Variants in NAV2 observed in about 807,000 individuals in gnomAD.
NAV2 encodes helicase, APC down-regulated 1.
Under a neutral mutation model 223.2 loss-of-function variants are expected in NAV2, and 54 were observed. The observed-to-expected ratio is 0.24, with a 90% CI of 0.19 to 0.30. NAV2 has a LOEUF of 0.30. Among genes scored for constraint, NAV2 ranks in the 10% least tolerant of loss-of-function variants. NAV2 has a pLI of 1.00. For missense variants in NAV2, 2,806 were observed against 3,147.5 expected (o/e 0.89, Z 2.60); for synonymous variants, 1,279 against 1,239.3 (o/e 1.03, Z -0.67).
intron 1 of NAV2, among the ~76,000 whole-genome samples, chr11:19,726,163 A>G (rs912621723): frequency 4.6e-5 from 7 of 152,256 alleles, no homozygotes; most frequent in Admixed American, 4.6e-4. Flanking sequence ...GTTTAAAAAT[A>G]TCTCTTCCTT....
At chr11:19,575,097 G>T (rs539021464) in intron 1 of NAV2, among the ~76,000 whole-genome samples, 268 of 152,348 alleles carry the variant, frequency 1.8e-3, no homozygotes, top group Admixed American at 4.5e-3. Context: ...CTGCACTTAA[G>T]ATCCGGGGTG....
intron 10 of NAV2, among the ~76,000 whole-genome samples, chr11:19,968,949 G>T (rs895237120): frequency 1.1e-4 from 16 of 152,040 alleles, no homozygotes; most frequent in Non-Finnish European, 2.9e-5. Context: ...AGGCTGGCTG[G>T]GTTGCCTGGG....
At chr11:19,406,876 C>T (rs942726267) in intron 1 of NAV2, among the ~76,000 whole-genome samples, 3 of 152,238 alleles carry the variant, frequency 2.0e-5, no homozygotes, top group Non-Finnish European at 4.4e-5. Context: ...TCTCACCTCT[C>T]TGACTCCAAA....
At chr11:19,357,005 A>G (rs1853658943) in intron 1 of NAV2, among the ~76,000 whole-genome samples, 1 of 152,232 alleles carries the variant, frequency 6.6e-6, no homozygotes, top group Non-Finnish European at 1.5e-5. Context: ...TGTAAATTGC[A>G]CAAGGATAGC....
At chr11:19,984,065 C>A in intron 10 of NAV2, 60 bp from the exon 11 acceptor site, 2 of 1,610,158 alleles carry the variant, frequency 1.2e-6, no homozygotes, top group African/African-American at 1.3e-5. Context: ...GATATGAATG[C>A]AAGCCTGGAA....
chr11:19,931,543 C>T (rs17612287), intron 6 of NAV2, among the ~76,000 whole-genome samples: 9,169 of 145,678 alleles, frequency 0.063, 375 homozygotes, highest in Non-Finnish European at 0.093. Context: ...CATAAAAAGC[C>T]GCTCTATATA....
intron 1 of NAV2, among the ~76,000 whole-genome samples, chr11:19,759,686 T>C (rs76117284): frequency 0.026 from 4,029 of 152,274 alleles, 110 homozygotes; most frequent in East Asian, 0.11. Context: ...CAAATTGCTT[T>C]AAGTCTCTAA....
At chr11:19,498,313 T>A (rs2134130930) in intron 1 of NAV2, among the ~76,000 whole-genome samples, 1 of 152,282 alleles carries the variant, frequency 6.6e-6, no homozygotes, top group East Asian at 1.9e-4. Flanking sequence ...AGGAGGTTGG[T>A]CCCCAAAAGG....
At chr11:19,747,171 G>T (rs1365278016) in intron 1 of NAV2, among the ~76,000 whole-genome samples, 2 of 150,554 alleles carry the variant, frequency 1.3e-5, no homozygotes, top group South Asian at 4.3e-4. Context: ...GCGATAGTTT[G>T]CTGAGAATGA....
At chr11:19,642,441 A>G (rs2047691409) in intron 1 of NAV2, among the ~76,000 whole-genome samples, 1 of 152,162 alleles carries the variant, frequency 6.6e-6, no homozygotes, top group African/African-American at 2.4e-5. Flanking sequence ...AGAATGAGAC[A>G]AACCAGGAAC....
chr11:19,503,671 C>T (rs1278728807), intron 1 of NAV2: 1 of 152,136 alleles, frequency 6.6e-6, no homozygotes, highest in African/African-American at 2.4e-5. Flanking sequence ...ATAGCCTGAA[C>T]GTACCACAAT....
At position 19,857,074 on chromosome 11, in the gene NAV2, A is replaced by G. The variant is rs187475099; in HGVS notation, c.439-11851A>G. On this transcript the variant is annotated intron_variant, in intron 3 of 37. Transcript: ENST00000349880. ...TTGGCCTTCCTCTACAGATTATTCC[A>G]TTACCATATTCCTTTATATCTACTT... Among the ~76,000 whole-genome samples the G allele has an allele frequency of 7.2e-5, 11 of 152,358 alleles. No individual in the cohort carries two copies. The East Asian group carries it at 2.1e-3, about 29-fold the overall frequency.
chr11:19,670,268 C>T (rs1469173590), intron 1 of NAV2, among the ~76,000 whole-genome samples: 2 of 152,176 alleles, frequency 1.3e-5, no homozygotes, highest in Admixed American at 6.5e-5. Context: ...CCTTGATTCC[C>T]GGAGTCTGGG....
At chr11:19,932,587 G>A (rs2045481478) in intron 6 of NAV2, among the ~76,000 whole-genome samples, 1 of 152,154 alleles carries the variant, frequency 6.6e-6, no homozygotes, top group Non-Finnish European at 1.5e-5. Context: ...CCAAAGTACT[G>A]GGATTACAGG....
chr11:19,393,023 G>C (rs1020124777), intron 1 of NAV2, among the ~76,000 whole-genome samples: 5 of 152,192 alleles, frequency 3.3e-5, no homozygotes, highest in African/African-American at 1.2e-4. Flanking sequence ...ATGTCACTCA[G>C]CATTGTTGGT....
intron 13 of NAV2, among the ~76,000 whole-genome samples, chr11:20,044,474 G>T (rs894333274): frequency 6.6e-6 from 1 of 152,172 alleles, no homozygotes; most frequent in Non-Finnish European, 1.5e-5. Flanking sequence ...TCTGAAGATG[G>T]TTCGGCTGCT....
intron 11 of NAV2, among the ~76,000 whole-genome samples, chr11:20,032,178 T>A (rs2055833779): frequency 6.6e-6 from 1 of 152,152 alleles, no homozygotes; most frequent in Non-Finnish European, 1.5e-5. Flanking sequence ...CTCTGGCAAA[T>A]ATCGAGGCTG....
intron 11 of NAV2, among the ~76,000 whole-genome samples, chr11:20,031,787 T>C (rs2055777316): frequency 6.6e-6 from 1 of 152,124 alleles, no homozygotes; most frequent in Non-Finnish European, 1.5e-5. Context: ...GCGTTTCCTG[T>C]GTAGTCACAT....
At chr11:19,976,380 C>T (rs1291890823) in intron 10 of NAV2, among the ~76,000 whole-genome samples, 1 of 152,134 alleles carries the variant, frequency 6.6e-6, no homozygotes, top group African/African-American at 2.4e-5. Context: ...TCTTCTGTCT[C>T]TCTCTCTTTC....
Sources: allele counts gnomAD v4.1 joint callset (sites outside exome capture counted in the v4.1 genomes callset), GRCh38; gene constraint gnomAD v4.1.1; transcripts MANE v1.5; gene names NCBI Gene and HGNC (gene_info 2026-07-23, HGNC 2026-07-21).